BRAF: variants seen among roughly 807,000 people sequenced by gnomAD.
BRAF encodes B-Raf proto-oncogene, serine/threonine kinase.
A neutral mutation model predicts 104.6 loss-of-function variants in BRAF; 16 were observed. The observed-to-expected ratio is 0.15, with a 90% CI of 0.10 to 0.23. The LOEUF (loss-of-function observed/expected upper bound fraction) is 0.23. Among genes scored for constraint, BRAF ranks in the 10% least tolerant of loss-of-function variants. The pLI, the probability that BRAF is intolerant of heterozygous loss-of-function variation, is 1.00. For synonymous variants in BRAF, 310 were observed against 341.6 expected, an observed-to-expected ratio of 0.91 and a Z score of 1.02; for missense variants, 541 against 937.3, an observed-to-expected ratio of 0.58 and a Z score of 5.52.
intron 5 of BRAF, among the ~76,000 whole-genome samples, chr7:140,805,056 G>A (rs747175286): frequency 1.1e-4 from 16 of 151,654 alleles, no homozygotes; most frequent in East Asian, 3.9e-4. Context: ...TGCCTGCCTC[G>A]GCCTCTCAAG....
chr7:140,771,252 G>C (rs1048223446), intron 14 of BRAF, among the ~76,000 whole-genome samples: 10 of 152,188 alleles, frequency 6.6e-5, no homozygotes, highest in African/African-American at 2.4e-4. Context: ...GCGGAGTGTA[G>C]TGGCACGATC....
At chr7:140,784,459 T>C (rs578158614) in intron 10 of BRAF, among the ~76,000 whole-genome samples, 24 of 152,184 alleles carry the variant, frequency 1.6e-4, no homozygotes, top group Non-Finnish European at 2.4e-4. Flanking sequence ...TCACTTAATT[T>C]AGTTGTATTA....
At chr7:140,807,123 C>G (rs1803735733) in intron 5 of BRAF, among the ~76,000 whole-genome samples, 9 of 152,172 alleles carry the variant, frequency 5.9e-5, no homozygotes, top group Admixed American at 4.6e-4. Context: ...AAAGGTCCCA[C>G]ATTCCGGGCC....
intron 1 of BRAF, among the ~76,000 whole-genome samples, chr7:140,918,526 TG>T (rs967441649): frequency 3.5e-4 from 54 of 152,234 alleles, no homozygotes; most frequent in African/African-American, 1.3e-3. Context: ...GCCCAGGGGT[TG>T]GGGGCCCCTG....
At position 140,877,279 on chromosome 7, in the gene BRAF, G is replaced by GT. The variant is rs1812369443; in HGVS notation, c.139-27068dup. ...AGCTTGTGCCATTATTTTTTTTTTA[G>GT]TTTTTTTAAGAGATGGGGGGGGGGG... On this transcript the variant is annotated intron_variant, in intron 1 of 19. Coordinates refer to ENST00000644969, the MANE Select transcript of BRAF (RefSeq NM_001374258.1). Among the ~76,000 whole-genome samples, 429 of 103,164 alleles carry GT rather than the reference G, an allele frequency of 4.2e-3. 4 individuals are homozygous for GT. Among genetic ancestry groups the GT allele is most frequent in the African/African-American group, 0.018 (411 of 23,106 alleles). 67.7% of individuals were successfully genotyped at this position (103,164 alleles called of 152,430 possible). A position where few individuals can be genotyped will look rare whatever the true frequency, so the allele number is the denominator to read the frequency against.
At chr7:140,753,177 GAAAAT>G in intron 16 of BRAF, 93 bp downstream of exon 15, 1 of 876,356 alleles carries the variant, frequency 1.1e-6, no homozygotes, top group Admixed American at 1.7e-5. Context: ...TGGGAACTAT[GAAAAT>G]ACTATAGTTG....
At chr7:140,867,539 AC>A (rs1349662673) in intron 1 of BRAF, among the ~76,000 whole-genome samples, 4 of 151,958 alleles carry the variant, frequency 2.6e-5, no homozygotes, top group South Asian at 4.2e-4. Context: ...AAAAAAAAAA[AC>A]AGACAATGTC....
chr7:140,778,856 C>T (rs955976345), intron 12 of BRAF, among the ~76,000 whole-genome samples: 3 of 152,026 alleles, frequency 2.0e-5, no homozygotes, highest in Non-Finnish European at 4.4e-5. Flanking sequence ...CATATGCATA[C>T]CCTGTGGTCT....
rs1163807243 is a variant in BRAF, at chr7:140,723,219, G to A, written c.*3275C>T. Reference sequence around the variant, plus strand: ...GAGGATGTGCAGCAGCTCGCACTCCGCCTGGTGAATACAAGGTAACATCCT... The same window carrying A: ...GAGGATGTGCAGCAGCTCGCACTCCACCTGGTGAATACAAGGTAACATCCT... On this transcript the variant is annotated 3_prime_UTR_variant, in exon 20 of 20. Coordinates refer to ENST00000644969, the MANE Select transcript of BRAF (RefSeq NM_001374258.1). 5.7e-6 allele frequency: 6 copies of A among 1,053,968 alleles called. No individual in the cohort carries two copies. In the South Asian group the frequency reaches 1.4e-4, roughly 24 times the overall value. 65.3% of individuals were successfully genotyped at this position (1,053,968 alleles called of 1,614,324 possible).
At chr7:140,740,033 G>T in intron 17 of BRAF, 87 bp from the exon 17 acceptor site, 1 of 1,394,580 alleles carries the variant, frequency 7.2e-7, no homozygotes, top group African/African-American at 1.4e-5. Flanking sequence ...ACAATAAGCT[G>T]TACATTTACA....
chr7:140,719,272 A>C (rs1478530546), downstream of BRAF: 3 of 771,884 alleles, frequency 3.9e-6, no homozygotes, highest in Non-Finnish European at 3.2e-6. Context: ...AAAACTGTTA[A>C]AACTGCTGAC....
At chr7:140,759,573 A>T (rs975738499) in intron 14 of BRAF, among the ~76,000 whole-genome samples, 5 of 152,158 alleles carry the variant, frequency 3.3e-5, no homozygotes, top group African/African-American at 1.2e-4. Context: ...TTTAGTAGAG[A>T]TGGGGTTTCA....
chr7:140,872,452 T>G (rs1274116146), intron 1 of BRAF, among the ~76,000 whole-genome samples: 1 of 151,946 alleles, frequency 6.6e-6, no homozygotes, highest in African/African-American at 2.4e-5. Flanking sequence ...TAAGAGAAAT[T>G]TTATGAGAAT....
intron 14 of BRAF, among the ~76,000 whole-genome samples, chr7:140,775,804 T>A (rs1394805108): frequency 1.3e-5 from 2 of 152,210 alleles, no homozygotes; most frequent in African/African-American, 4.8e-5. Context: ...TTGTAAACAA[T>A]CTAAATTATA....
At chr7:140,883,078 CA>C (rs1195791161) in intron 1 of BRAF, among the ~76,000 whole-genome samples, 2 of 151,830 alleles carry the variant, frequency 1.3e-5, no homozygotes, top group Non-Finnish European at 2.9e-5. Context: ...AAAAGAATAT[CA>C]AAAAGATAAT....
chr7:140,818,006 A>G (rs913847668), intron 3 of BRAF, among the ~76,000 whole-genome samples: 1 of 151,984 alleles, frequency 6.6e-6, no homozygotes, highest in Non-Finnish European at 1.5e-5. Flanking sequence ...CATTACATAC[A>G]TATAGTATCG....
intron 1 of BRAF, among the ~76,000 whole-genome samples, chr7:140,860,403 TG>T (rs1016739484): frequency 4.2e-5 from 6 of 141,938 alleles, no homozygotes; most frequent in Non-Finnish European, 1.5e-5. Flanking sequence ...AAACCAGGCC[TG>T]GTACAATGGC....
rs1165935422 is a variant in BRAF, at chr7:140,872,969, C to G, written c.139-22757G>C. ...TGTTGTATGCTAGAAAATAAGAAAA[C>G]AGTATCTTCAAAATTCTAAGATATA... On this transcript the variant is annotated intron_variant, in intron 1 of 19. Transcript: ENST00000644969. 1.3e-5 allele frequency among the ~76,000 whole-genome samples: 2 copies of G among 152,038 alleles called. 1 individual carries two copies. The highest frequency in any genetic ancestry group is 2.9e-5 in the Non-Finnish European group (2 of 68,000).
chr7:140,742,413 C>T (rs543645535), intron 17 of BRAF, among the ~76,000 whole-genome samples: 4 of 152,066 alleles, frequency 2.6e-5, no homozygotes, highest in South Asian at 2.1e-4. Flanking sequence ...AGGCTGGTCT[C>T]GAACTCCAGA....
Sources: allele counts gnomAD v4.1 joint callset (sites outside exome capture counted in the v4.1 genomes callset), GRCh38; gene constraint gnomAD v4.1.1; transcripts MANE v1.5; gene names NCBI Gene and HGNC (gene_info 2026-07-23, HGNC 2026-07-21).